Variants in ACOT7 observed in about 807,000 individuals in gnomAD.
ACOT7 encodes cytosolic acyl coenzyme A thioester hydrolase.
ACOT7 carries 12 observed loss-of-function variants against 40.2 expected under a neutral mutation model. The observed-to-expected ratio is 0.30, with a 90% confidence interval of 0.19 to 0.48. ACOT7 has a LOEUF of 0.48. Ranked by LOEUF, ACOT7 falls within the 20% of genes least tolerant of loss-of-function variation. The probability of loss-of-function intolerance (pLI) is 0.99; values close to 1 mark genes in which losing one functional copy is unlikely to be tolerated. For missense variants in ACOT7, 395 were observed against 530.8 expected (o/e 0.74, Z 2.51); for synonymous variants, 228 against 219.5 (o/e 1.04, Z -0.34).
At chr1:6,334,212 AGCAACTGATC>A (rs1354246713) in intron 3 of ACOT7, among the ~76,000 whole-genome samples, 1 of 152,264 alleles carries the variant, frequency 6.6e-6, no homozygotes, top group Non-Finnish European at 1.5e-5. Context: ...TCAAGTCTCC[AGCAACTGATC>A]GCTGCTGACA....
chr1:6,380,868 AACAG>A (rs1642321530), intron 1 of ACOT7, among the ~76,000 whole-genome samples: 1 of 151,942 alleles, frequency 6.6e-6, no homozygotes, highest in African/African-American at 2.4e-5. Context: ...AACAAAAGAA[AACAG>A]ACAAATTGTA....
At chr1:6,318,426 G>A (rs893273780) in intron 6 of ACOT7, 66 bp downstream of exon 6, 12 of 1,522,838 alleles carry the variant, frequency 7.9e-6, no homozygotes, top group African/African-American at 4.1e-5. Context: ...ACAGCAGCAC[G>A]GCTGCCAGAG....
chr1:6,388,389 G>A (rs1342138430), intron 1 of ACOT7, among the ~76,000 whole-genome samples: 14 of 151,756 alleles, frequency 9.2e-5, no homozygotes, highest in African/African-American at 3.1e-4. Flanking sequence ...GATTACAGGC[G>A]TGAGCCACAG....
chr1:6,291,670 C>G (rs1430126199), intron 7 of ACOT7, among the ~76,000 whole-genome samples: 1 of 152,176 alleles, frequency 6.6e-6, no homozygotes, highest in Non-Finnish European at 1.5e-5. Context: ...TGCCCCCACC[C>G]GGCAGGGCAG....
At chr1:6,271,129 T>C (rs1411157869) in intron 8 of ACOT7, among the ~76,000 whole-genome samples, 1 of 152,204 alleles carries the variant, frequency 6.6e-6, no homozygotes, top group East Asian at 1.9e-4. Context: ...TCTCTTCCAC[T>C]GGAGGGGAAG....
Position 6,275,610 on chromosome 1 carries a change from G to A in ACOT7, c.1014+5492C>T, listed in dbSNP as rs934198804. Reference sequence around the variant, plus strand: ...CATGCGCCTGTAATCCCAGCTACTCGGGAGGCTGAGGCAGGAGAATCGTTT... The same window carrying A: ...CATGCGCCTGTAATCCCAGCTACTCAGGAGGCTGAGGCAGGAGAATCGTTT... On this transcript the variant is annotated intron_variant, in intron 8 of 8. Coordinates refer to ENST00000361521, the MANE Select transcript of ACOT7 (RefSeq NM_007274.4). The surrounding 1 kb of genome is among the most constrained non-coding windows in gnomAD (Gnocchi z 5.6). 2.0e-5 allele frequency among the ~76,000 whole-genome samples: 3 copies of A among 151,764 alleles called. No homozygotes were observed. Among genetic ancestry groups the A allele is most frequent in the Admixed American group, 6.6e-5 (1 of 15,250 alleles).
chr1:6,303,324 C>T (rs982019912), intron 6 of ACOT7, among the ~76,000 whole-genome samples: 3 of 150,620 alleles, frequency 2.0e-5, no homozygotes, highest in Non-Finnish European at 4.4e-5. Context: ...TCAAGAATTA[C>T]GGGGAAAAAA....
intron 1 of ACOT7, among the ~76,000 whole-genome samples, chr1:6,374,362 A>C (rs1343170385): frequency 1.3e-5 from 2 of 152,222 alleles, no homozygotes; most frequent in African/African-American, 4.8e-5. Flanking sequence ...CAGTGGGCAG[A>C]CCAGCAGGCC....
At chr1:6,339,620 G>A in intron 2 of ACOT7, 31 bp from the exon 3 acceptor site, 1 of 1,603,996 alleles carries the variant, frequency 6.2e-7, no homozygotes, top group Non-Finnish European at 8.5e-7. Context: ...GTCAGCCCAG[G>A]TCAGCCAGCC....
intron 2 of ACOT7, among the ~76,000 whole-genome samples, chr1:6,341,290 C>T (rs113551394): frequency 1.3e-5 from 2 of 151,666 alleles, no homozygotes; most frequent in African/African-American, 2.4e-5. Flanking sequence ...TACAGATGTG[C>T]ACCACCACGC....
chr1:6,355,528 C>A lies in ACOT7; in HGVS notation c.144-5662G>T, dbSNP rs1181231964. The stretch of plus-strand genomic sequence containing the variant: ...CACAGAGCCATGGGAGCAAGGTGAC[C>A]ACCTGGGGCGCAGGGACGACCATTC... On this transcript the variant is annotated intron_variant, in intron 1 of 8. Transcript: ENST00000361521. This position sits in a 1 kb window ranked among gnomAD's most constrained non-coding sequence, Gnocchi z 5.0. Among the ~76,000 whole-genome samples the A allele has an allele frequency of 6.6e-6, 1 of 152,148 alleles. No individual in the cohort carries two copies. Among genetic ancestry groups the A allele is most frequent in the African/African-American group, 2.4e-5 (1 of 41,424 alleles).
At chr1:6,339,401 G>A (rs755370899) in intron 3 of ACOT7, 32 bp downstream of exon 3, 3 of 1,611,556 alleles carry the variant, frequency 1.9e-6, no homozygotes, top group Non-Finnish European at 2.5e-6. Flanking sequence ...GGCCCTTACT[G>A]CTCCAGTCAA....
intron 1 of ACOT7, among the ~76,000 whole-genome samples, chr1:6,363,164 G>A (rs1410693449): frequency 6.6e-6 from 1 of 152,174 alleles, no homozygotes; most frequent in Non-Finnish European, 1.5e-5. Context: ...GGGAGCTGAG[G>A]GGACATGGTG....
intron 1 of ACOT7, among the ~76,000 whole-genome samples, chr1:6,364,974 G>A (rs1414764576): frequency 6.6e-6 from 1 of 151,570 alleles, no homozygotes; most frequent in East Asian, 1.9e-4. Context: ...AGTGAGCTGA[G>A]ATCGCCCCAC....
chr1:6,350,538 T>C (rs182656201), intron 1 of ACOT7, among the ~76,000 whole-genome samples: 27 of 152,362 alleles, frequency 1.8e-4, no homozygotes, highest in Admixed American at 9.8e-4. Flanking sequence ...GCCGGTAGTG[T>C]GGGAGCTCCA....
chr1:6,339,634 C>A, intron 2 of ACOT7, 45 bp from the exon 3 acceptor site: 1 of 1,596,164 alleles, frequency 6.3e-7, no homozygotes. Flanking sequence ...GCCAGCCCAG[C>A]CCCGAGAGCC....
chr1:6,267,213 A>G (rs1284109255), intron 8 of ACOT7, among the ~76,000 whole-genome samples: 1 of 152,236 alleles, frequency 6.6e-6, no homozygotes, highest in Admixed American at 6.5e-5. Context: ...AGGAGAGGCA[A>G]CTTCCTGGGA....
chr1:6,311,951 G>A lies in ACOT7; in HGVS notation c.712+6541C>T, dbSNP rs1432721034. 1.3e-5 allele frequency among the ~76,000 whole-genome samples: 2 copies of A among 152,194 alleles called. No individual in the cohort carries two copies. Among genetic ancestry groups the A allele is most frequent in the Admixed American group, 6.5e-5 (1 of 15,286 alleles). ...GGGGTCTGGGTGTCTGTGGTTTTAA[G>A]AGTTCCCCAAGTGACCTTAATAGGC... On this transcript the variant is annotated intron_variant, in intron 6 of 8. Transcript: ENST00000361521. This position sits in a 1 kb window ranked among gnomAD's most constrained non-coding sequence, Gnocchi z 5.2.
At chr1:6,286,428 G>C (rs1639505327) in intron 7 of ACOT7, among the ~76,000 whole-genome samples, 1 of 152,190 alleles carries the variant, frequency 6.6e-6, no homozygotes, top group Non-Finnish European at 1.5e-5. Context: ...GTCTCATCAG[G>C]AAAGGCAGGG....
Sources: allele counts gnomAD v4.1 joint callset (sites outside exome capture counted in the v4.1 genomes callset), GRCh38; gene constraint gnomAD v4.1.1; non-coding constraint Gnocchi (gnomAD v3.1); transcripts MANE v1.5; gene names NCBI Gene and HGNC (gene_info 2026-07-23, HGNC 2026-07-21).